SLC9A9: variants seen among roughly 807,000 people sequenced by gnomAD.
SLC9A9 encodes sodium/hydrogen exchanger 9.
SLC9A9 carries 62 observed loss-of-function variants against 77.8 expected under a neutral mutation model. The ratio of observed to expected loss-of-function variants is 0.80; its 90% confidence interval spans 0.65 to 0.98. The LOEUF is 0.98. Among genes scored for constraint, SLC9A9 ranks in the 50% least tolerant of loss-of-function variants. The pLI, the probability that SLC9A9 is intolerant of heterozygous loss-of-function variation, is 0.00. For synonymous variants in SLC9A9, 320 were observed against 283.5 expected (o/e 1.13, Z -1.29); for missense variants, 775 against 774.9 (o/e 1.00, Z 0.00).
chr3:143,714,418 G>C (rs1029401786), intron 4 of SLC9A9, among the ~76,000 whole-genome samples: 1 of 152,034 alleles, frequency 6.6e-6, no homozygotes, highest in Admixed American at 6.6e-5. Flanking sequence ...GTGTTAAACT[G>C]CCATTTTACA....
intron 12 of SLC9A9, among the ~76,000 whole-genome samples, chr3:143,443,302 C>T (rs2034780915): frequency 6.6e-6 from 1 of 152,088 alleles, no homozygotes; most frequent in Non-Finnish European, 1.5e-5. Context: ...CCCCTCCTTG[C>T]CCATGTGCCT....
At chr3:143,322,717 G>C (rs908290422) in intron 14 of SLC9A9, among the ~76,000 whole-genome samples, 1 of 152,106 alleles carries the variant, frequency 6.6e-6, no homozygotes, top group Admixed American at 6.5e-5. Flanking sequence ...AATATTTCTG[G>C]TGTATTAACT....
rs543659449 is a variant in SLC9A9, at chr3:143,622,790, T to A, written c.755+29465A>T. On this transcript the variant is annotated intron_variant, in intron 6 of 15. Transcript: ENST00000316549. ...ATATTAACCTTAAATGTAAATGGGC[T>A]AAATGCTCCAATTTAAAGACACAGA... Among the ~76,000 whole-genome samples, 6 of 152,300 alleles carry A rather than the reference T, an allele frequency of 3.9e-5. No homozygotes were observed. The South Asian group carries it at 1.2e-3, about 32-fold the overall frequency.
At chr3:143,476,264 C>T (rs2035475384) in intron 11 of SLC9A9, among the ~76,000 whole-genome samples, 1 of 152,122 alleles carries the variant, frequency 6.6e-6, no homozygotes, top group Non-Finnish European at 1.5e-5. Flanking sequence ...CTTCTGCATT[C>T]AAAAATAAAT....
chr3:143,514,169 A>T (rs748577240), intron 9 of SLC9A9, among the ~76,000 whole-genome samples: 1 of 151,714 alleles, frequency 6.6e-6, no homozygotes, highest in African/African-American at 2.4e-5. Flanking sequence ...TACAAAGGAC[A>T]TGAACTCATC....
chr3:143,733,988 G>A (rs1212156449), intron 4 of SLC9A9, among the ~76,000 whole-genome samples: 2 of 152,150 alleles, frequency 1.3e-5, no homozygotes, highest in Non-Finnish European at 2.9e-5. Flanking sequence ...CTTGAAGCCA[G>A]GAGTTCAAGA....
chr3:143,549,444 G>A (rs1203492202), intron 9 of SLC9A9, among the ~76,000 whole-genome samples: 1 of 152,100 alleles, frequency 6.6e-6, no homozygotes, highest in Non-Finnish European at 1.5e-5. Flanking sequence ...AAGAAATGAA[G>A]AAAGGGATGA....
chr3:143,479,488 AG>A (rs1410427545), intron 11 of SLC9A9, among the ~76,000 whole-genome samples: 3 of 152,126 alleles, frequency 2.0e-5, no homozygotes, highest in African/African-American at 7.2e-5. Flanking sequence ...CCTGGCCTCA[AG>A]CAATCCTCCC....
At chr3:143,484,066 A>G (rs988038036) in intron 11 of SLC9A9, among the ~76,000 whole-genome samples, 1 of 152,180 alleles carries the variant, frequency 6.6e-6, no homozygotes, top group Non-Finnish European at 1.5e-5. Flanking sequence ...CCTTCTCCAA[A>G]GAACTCTTTG....
At chr3:143,796,178 A>G (rs953510859) in intron 3 of SLC9A9, among the ~76,000 whole-genome samples, 13 of 152,224 alleles carry the variant, frequency 8.5e-5, no homozygotes, top group Admixed American at 8.5e-4. Context: ...CAAAATGTGC[A>G]TAGTCAGGCC....
At chr3:143,685,051 T>A (rs971432852) in intron 5 of SLC9A9, among the ~76,000 whole-genome samples, 3 of 152,108 alleles carry the variant, frequency 2.0e-5, no homozygotes, top group African/African-American at 7.2e-5. Context: ...TTTCCATATA[T>A]CTTTATAGCA....
intron 6 of SLC9A9, among the ~76,000 whole-genome samples, chr3:143,616,467 A>C (rs1318168792): frequency 6.6e-6 from 1 of 152,176 alleles, no homozygotes; most frequent in African/African-American, 2.4e-5. Context: ...AAATAGTTCC[A>C]TATGTCCTCA....
chr3:143,597,405 G>C (rs1184548962), intron 6 of SLC9A9, among the ~76,000 whole-genome samples: 1 of 152,190 alleles, frequency 6.6e-6, no homozygotes, highest in Non-Finnish European at 1.5e-5. Context: ...CACAGCTCAG[G>C]CTTGTTTGTG....
chr3:143,834,445 T>C (rs2009516180), intron 1 of SLC9A9, among the ~76,000 whole-genome samples: 1 of 152,124 alleles, frequency 6.6e-6, no homozygotes, highest in Admixed American at 6.6e-5. Flanking sequence ...GCAAGTACCA[T>C]GAATGACACC....
intron 4 of SLC9A9, among the ~76,000 whole-genome samples, chr3:143,786,441 C>T (rs563230396): frequency 6.6e-6 from 1 of 152,146 alleles, no homozygotes; most frequent in African/African-American, 2.4e-5. Context: ...GCAACATCTT[C>T]GAGGTTGTGA....
chr3:143,413,961 A>G (rs1193618711), intron 12 of SLC9A9, among the ~76,000 whole-genome samples: 1 of 152,260 alleles, frequency 6.6e-6, no homozygotes, highest in Admixed American at 6.5e-5. Context: ...TGTCACCTCA[A>G]ATAGACCATT....
intron 4 of SLC9A9, among the ~76,000 whole-genome samples, chr3:143,742,814 G>A (rs1419572184): frequency 2.6e-5 from 4 of 152,316 alleles, no homozygotes; most frequent in South Asian, 2.1e-4. Flanking sequence ...CAGTGAAGCT[G>A]TGGGGTGTGG....
chr3:143,576,618 T>G (rs2037363784), intron 7 of SLC9A9, among the ~76,000 whole-genome samples: 1 of 152,176 alleles, frequency 6.6e-6, no homozygotes, highest in Non-Finnish European at 1.5e-5. Flanking sequence ...TAAGAGGCAA[T>G]AGGGAGCAGT....
intron 4 of SLC9A9, among the ~76,000 whole-genome samples, chr3:143,781,329 TAAAAG>T: frequency 6.6e-6 from 1 of 152,314 alleles, no homozygotes; most frequent in South Asian, 2.1e-4. Flanking sequence ...ATTGTTTCAA[TAAAAG>T]TAAATTGGGG....
Sources: gnomAD v4.1 joint callset for allele counts (sites outside exome capture counted in the v4.1 genomes callset) on GRCh38, gnomAD v4.1.1 for gene constraint, MANE v1.5 for transcripts, NCBI Gene and HGNC (gene_info 2026-07-23, HGNC 2026-07-21) for gene names.